RSF1: variants seen among roughly 807,000 people sequenced by gnomAD.
RSF1 encodes the protein remodeling and spacing factor 1, also known as HBV pX-associated protein 8.
RSF1 carries 13 observed loss-of-function variants against 145.2 expected under a neutral mutation model. That is an observed-to-expected ratio of 0.09 (90% CI 0.06 to 0.14). The LOEUF (loss-of-function observed/expected upper bound fraction) is 0.14, where lower values mean the gene tolerates loss of function less well. Among genes scored for constraint, RSF1 ranks in the 10% least tolerant of loss-of-function variants. The pLI is 1.00. For missense variants in RSF1, 1,517 were observed against 1,718.2 expected (o/e 0.88, Z 2.07); for synonymous variants, 577 against 592.6 (o/e 0.97, Z 0.38).
chr11:77,859,549 C>T, the RSF1 span, among the ~76,000 whole-genome samples: 2 of 152,164 alleles, frequency 1.3e-5, no homozygotes, highest in African/African-American at 4.8e-5. Context: ...AATTCTAGTG[C>T]CCGAGTGAGG....
chr11:77,807,615 G>A (rs1270254351), intron 1 of RSF1, among the ~76,000 whole-genome samples: 10 of 152,204 alleles, frequency 6.6e-5, no homozygotes, highest in Admixed American at 2.0e-4. Flanking sequence ...TTTAATCTGA[G>A]CATAAATATA....
At chr11:77,834,962 C>T in the RSF1 span, among the ~76,000 whole-genome samples, 72 of 151,838 alleles carry the variant, frequency 4.7e-4, no homozygotes, top group Non-Finnish European at 9.3e-4. Context: ...CAGAGTAGTC[C>T]GAAGGGTATC....
At chr11:77,745,830 C>T (rs1947993831) in intron 3 of RSF1, among the ~76,000 whole-genome samples, 1 of 151,736 alleles carries the variant, frequency 6.6e-6, no homozygotes, top group African/African-American at 2.4e-5. Context: ...CTATTATAGC[C>T]CTTATGCCTT....
intron 7 of RSF1, among the ~76,000 whole-genome samples, chr11:77,696,610 G>C (rs896226828): frequency 1.3e-5 from 2 of 152,168 alleles, no homozygotes; most frequent in African/African-American, 4.8e-5. Context: ...AGCAGCCATT[G>C]CTGCCTTAGG....
intron 4 of RSF1, among the ~76,000 whole-genome samples, chr11:77,736,912 T>C (rs527358261): frequency 7.2e-5 from 11 of 152,358 alleles, no homozygotes; most frequent in African/African-American, 2.6e-4. Context: ...ATAGAATTTA[T>C]AAATTTAATG....
intron 1 of RSF1, among the ~76,000 whole-genome samples, chr11:77,774,788 C>A (rs1197247928): frequency 6.8e-6 from 1 of 146,672 alleles, no homozygotes; most frequent in African/African-American, 2.5e-5. Flanking sequence ...TTTTTTGAGA[C>A]GGACTCTTGC....
intron 1 of RSF1, among the ~76,000 whole-genome samples, chr11:77,811,339 T>C (rs1037185786): frequency 6.6e-6 from 1 of 152,224 alleles, no homozygotes; most frequent in Non-Finnish European, 1.5e-5. Context: ...ATATTTGCTA[T>C]TACCCACCAA....
At chr11:77,836,560 CTG>C in the RSF1 span, among the ~76,000 whole-genome samples, 1 of 152,196 alleles carries the variant, frequency 6.6e-6, no homozygotes, top group Non-Finnish European at 1.5e-5. Context: ...GACACGCAGT[CTG>C]TGGTATTTTG....
chr11:77,670,733 A>C (rs1252553458), intron 15 of RSF1, among the ~76,000 whole-genome samples: 1 of 152,060 alleles, frequency 6.6e-6, no homozygotes, highest in East Asian at 1.9e-4. Flanking sequence ...CCACATCCAA[A>C]CATTTTTTTT....
At chr11:77,771,333 T>C (rs1021222395) in intron 1 of RSF1, among the ~76,000 whole-genome samples, 2 of 152,184 alleles carry the variant, frequency 1.3e-5, no homozygotes, top group African/African-American at 4.8e-5. Context: ...GAAATGCCTC[T>C]TTAATAAAGA....
chr11:77,768,700 C>G (rs567001719), intron 1 of RSF1, among the ~76,000 whole-genome samples: 9 of 152,130 alleles, frequency 5.9e-5, no homozygotes, highest in Non-Finnish European at 1.3e-4. Flanking sequence ...TATTTTGTTA[C>G]AAATAGAACT....
chr11:77,803,515 A>T (rs1590896575), intron 1 of RSF1, among the ~76,000 whole-genome samples: 1 of 149,140 alleles, frequency 6.7e-6, no homozygotes, highest in South Asian at 2.3e-4. Flanking sequence ...ATAGTGGCTC[A>T]TGCCTGTAAT....
intron 5 of RSF1, among the ~76,000 whole-genome samples, chr11:77,706,667 T>A (rs1960559421): frequency 6.6e-6 from 1 of 152,164 alleles, no homozygotes; most frequent in African/African-American, 2.4e-5. Context: ...CCTAATTTTT[T>A]TTTTTTAACT....
chr11:77,760,990 C>T (rs963539779), intron 2 of RSF1, among the ~76,000 whole-genome samples: 7 of 152,004 alleles, frequency 4.6e-5, no homozygotes, highest in South Asian at 4.1e-4. Context: ...CGGCTCACCG[C>T]GATCTCGGCT....
rs1313483688 is a variant in RSF1, at chr11:77,665,663, T to C, written c.*1254A>G. ...CTCATTCAACTCTATGTTGGTTGTATGACTATTAATGAATTTTAATAGAAG... is the reference window on the plus strand; with the variant it reads ...CTCATTCAACTCTATGTTGGTTGTACGACTATTAATGAATTTTAATAGAAG... On this transcript the variant is annotated 3_prime_UTR_variant, in exon 16 of 16. Coordinates refer to ENST00000308488, the MANE Select transcript of RSF1 (RefSeq NM_016578.4). The C allele has an allele frequency of 3.3e-5, 5 of 152,256 alleles. No homozygotes were observed. The highest frequency in any genetic ancestry group is 1.9e-4 in the East Asian group (1 of 5,202). The allele number at this position is 152,256 out of a possible 1,614,324, so 9.4% of individuals were successfully genotyped here.
At chr11:77,837,411 C>T in the RSF1 span, among the ~76,000 whole-genome samples, 1 of 150,126 alleles carries the variant, frequency 6.7e-6, no homozygotes, top group African/African-American at 2.5e-5. Context: ...GCTGGCATCA[C>T]AGATGTAAGC....
rs532817982 is a variant in RSF1, at chr11:77,730,881, A to C, written c.579-5182T>G. Among the ~76,000 whole-genome samples the C allele has an allele frequency of 1.2e-3, 182 of 152,340 alleles. 5 individuals are homozygous for C. The highest frequency in any genetic ancestry group is 0.01 in the Middle Eastern group (3 of 294). Reference sequence around the variant, plus strand: ...CCCAGCCATGTGGAACTGTGAGTCCAATTAACCTCTTTCTTTTGTAAATTG... The same window carrying C: ...CCCAGCCATGTGGAACTGTGAGTCCCATTAACCTCTTTCTTTTGTAAATTG... On this transcript the variant is annotated intron_variant, in intron 4 of 15. Coordinates refer to ENST00000308488, the MANE Select transcript of RSF1 (RefSeq NM_016578.4).
the RSF1 span, among the ~76,000 whole-genome samples, chr11:77,836,430 G>A: frequency 1.3e-5 from 2 of 152,084 alleles, no homozygotes; most frequent in Admixed American, 1.3e-4. Flanking sequence ...TGAGAAAACA[G>A]CAAAAGGCAT....
At chr11:77,703,047 T>G (rs1467729830) in intron 5 of RSF1, 2 of 152,212 alleles carry the variant, frequency 1.3e-5, no homozygotes, top group Non-Finnish European at 2.9e-5. Context: ...TAAGTTGGTA[T>G]CATGTTGCCT....
Sources: allele counts gnomAD v4.1 joint callset (sites outside exome capture counted in the v4.1 genomes callset), GRCh38; gene constraint gnomAD v4.1.1; transcripts MANE v1.5; gene names NCBI Gene and HGNC (gene_info 2026-07-23, HGNC 2026-07-21).